UGT2B7: variants seen among roughly 807,000 people sequenced by gnomAD.
The protein encoded by UGT2B7 is UDP-glucuronosyltransferase 2B7.
UGT2B7 carries 51 observed loss-of-function variants against 51.9 expected under a neutral mutation model. That is an observed-to-expected ratio of 0.98 (90% CI 0.78 to 1.24). The LOEUF (loss-of-function observed/expected upper bound fraction) is 1.24, where lower values mean the gene tolerates loss of function less well. Among genes scored for constraint, UGT2B7 ranks in the 50% most tolerant of loss-of-function variants. UGT2B7 has a pLI of 0.00. For missense variants in UGT2B7, 727 were observed against 628.4 expected, an observed-to-expected ratio of 1.16 and a Z score of -1.68; for synonymous variants, 225 against 211.6, an observed-to-expected ratio of 1.06 and a Z score of -0.55.
intron 1 of UGT2B7, among the ~76,000 whole-genome samples, chr4:69,055,793 C>T (rs1718177603): frequency 6.6e-6 from 1 of 152,136 alleles, no homozygotes. Context: ...TTCTAAAAGT[C>T]TCAATTATTA....
chr4:69,079,925 CT>C (rs1718799096), intron 1 of UGT2B7, among the ~76,000 whole-genome samples: 2 of 152,004 alleles, frequency 1.3e-5, no homozygotes, highest in East Asian at 1.9e-4. Context: ...TTGTATATAG[CT>C]TGGAAATAAT....
At chr4:69,080,594 G>A (rs1718814370) in intron 1 of UGT2B7, among the ~76,000 whole-genome samples, 3 of 151,104 alleles carry the variant, frequency 2.0e-5, no homozygotes, top group Non-Finnish European at 2.9e-5. Context: ...TTCCAAATTT[G>A]CTTGTGGTTC....
chr4:69,063,491 T>C (rs1345816825), intron 1 of UGT2B7, among the ~76,000 whole-genome samples: 1 of 151,928 alleles, frequency 6.6e-6, no homozygotes, highest in African/African-American at 2.4e-5. Flanking sequence ...AGACAGCAAA[T>C]ATGTTAGACT....
chr4:69,093,287 G>A (rs370533019), upstream of UGT2B7, among the ~76,000 whole-genome samples: 28 of 152,256 alleles, frequency 1.8e-4, no homozygotes, highest in East Asian at 3.9e-3. Context: ...TTCTGTGGTC[G>A]ATTTGGATGC....
chr4:69,078,182 C>T (rs539737478), intron 1 of UGT2B7, among the ~76,000 whole-genome samples: 2 of 152,120 alleles, frequency 1.3e-5, no homozygotes, highest in East Asian at 1.9e-4. Flanking sequence ...TTTTGATGTG[C>T]TGCTGGATTT....
chr4:69,081,697 T>C (rs1018943650), intron 1 of UGT2B7, among the ~76,000 whole-genome samples: 3 of 152,130 alleles, frequency 2.0e-5, no homozygotes, highest in East Asian at 3.8e-4. Flanking sequence ...AAAGCTTTCA[T>C]CTCACCGTAT....
intron 5 of UGT2B7, among the ~76,000 whole-genome samples, chr4:69,111,484 G>A (rs929375664): frequency 2.0e-5 from 3 of 152,122 alleles, no homozygotes; most frequent in African/African-American, 7.2e-5. Flanking sequence ...TTCTCATATT[G>A]CATTTTCACG....
intron 5 of UGT2B7, among the ~76,000 whole-genome samples, chr4:69,108,845 A>G (rs905875006): frequency 2.6e-5 from 4 of 152,140 alleles, no homozygotes; most frequent in Non-Finnish European, 4.4e-5. Flanking sequence ...TCACTATTAC[A>G]TAATTTTAGA....
At chr4:69,067,503 G>A (rs187741879) in intron 1 of UGT2B7, 2 of 156,030 alleles carry the variant, frequency 1.3e-5, no homozygotes, top group African/African-American at 4.8e-5. Context: ...CTTTATTGCA[G>A]ATCAACGTGA....
In UGT2B7 at chr4:69,096,755, A is replaced by C; in HGVS notation, c.235A>C (p.Thr79Pro). 1 of 1,613,972 alleles carries C rather than the reference A, an allele frequency of 6.2e-7. No individual in the cohort carries two copies. Among genetic ancestry groups the C allele is most frequent in the Non-Finnish European group, 8.5e-7 (1 of 1,179,918 alleles). Residue 79 changes from threonine to proline, a missense_variant, in exon 1 of 6, where the codon ACA becomes CCA. Physicochemically the swap from Thr to Pro is conservative, Grantham distance 38 (BLOSUM62 -1). Coordinates refer to ENST00000305231, the MANE Select transcript of UGT2B7 (RefSeq NM_001074.4). The stretch of plus-strand genomic sequence containing the variant: ...CGCTCTTAAAATTGAAATTTATCCC[A>C]CATCTTTAACTAAAACTGAGTTGGA... Reference protein sequence around the residue: ...SSALKIEIYPTSLTKTELENF... With the variant: ...SSALKIEIYPPSLTKTELENF...
At chr4:69,063,116 G>A (rs956018870) in intron 1 of UGT2B7, among the ~76,000 whole-genome samples, 3 of 151,480 alleles carry the variant, frequency 2.0e-5, no homozygotes, top group Non-Finnish European at 2.9e-5. Context: ...TCAGGAGATC[G>A]AGACCATCCC....
intron 1 of UGT2B7, among the ~76,000 whole-genome samples, chr4:69,079,852 C>T (rs1470448696): frequency 1.3e-5 from 2 of 150,342 alleles, no homozygotes; most frequent in African/African-American, 5.0e-5. Flanking sequence ...GTTCTTAATC[C>T]AATTTTTGTT....
rs572424486 is a variant in UGT2B7 at position 69,100,187 on chromosome 4, G to A, written c.870+1499G>A. Among the ~76,000 whole-genome samples the A allele has an allele frequency of 5.9e-5, 9 of 152,026 alleles. No homozygotes were observed. In the South Asian group the frequency reaches 1.5e-3, roughly 25 times the overall value. On this transcript the variant is annotated intron_variant, in intron 2 of 5. Coordinates refer to ENST00000305231, the MANE Select transcript of UGT2B7 (RefSeq NM_001074.4). ...TTATTAAAGCTTCCTGTGGGAACTC[G>A]TCTCAACATCATAGCTGCCTGACAC...
rs775763044 is a variant in UGT2B7 at position 69,108,275 on chromosome 4, G to A, written c.1263G>A (p.Ser421=). The A allele has an allele frequency of 1.2e-5, 20 of 1,613,550 alleles. No homozygotes were observed. The highest frequency in any genetic ancestry group is 1.4e-5 in the Non-Finnish European group (17 of 1,179,608). The change falls in exon 5 of 6, where the codon TCG becomes TCA. Residue 421 remains serine (S), a synonymous_variant. Coordinates refer to ENST00000305231, the MANE Select transcript of UGT2B7 (RefSeq NM_001074.4). ...AAVRVDFNTM[S]STDLLNALKR... The stretch of plus-strand genomic sequence containing the variant: ...TTAGAGTGGACTTCAACACAATGTC[G>A]AGTACAGACTTGCTGAATGCATTGA...
intron 2 of UGT2B7, among the ~76,000 whole-genome samples, chr4:69,102,583 CATA>C (rs1157648193): frequency 6.6e-6 from 1 of 152,084 alleles, no homozygotes; most frequent in African/African-American, 2.4e-5. Flanking sequence ...AATACATACA[CATA>C]CACACATATT....
upstream of UGT2B7, among the ~76,000 whole-genome samples, chr4:69,092,631 G>C (rs1014414327): frequency 6.6e-6 from 1 of 151,840 alleles, no homozygotes; most frequent in Non-Finnish European, 1.5e-5. Context: ...AAAAATATAA[G>C]TTTTCTTTAC....
At chr4:69,071,372 G>T (rs1281760094) in intron 1 of UGT2B7, among the ~76,000 whole-genome samples, 5 of 152,062 alleles carry the variant, frequency 3.3e-5, no homozygotes, top group Non-Finnish European at 5.9e-5. Context: ...ATTGTAGGTG[G>T]AATAAAGAGC....
At chr4:69,091,791 G>A (rs969679527), upstream of UGT2B7, among the ~76,000 whole-genome samples, 1 of 152,136 alleles carries the variant, frequency 6.6e-6, no homozygotes, top group Admixed American at 6.5e-5. Flanking sequence ...CTCATAGAAA[G>A]GGGCCACAAA....
At chr4:69,053,482 G>A (rs1450963736) in intron 1 of UGT2B7, among the ~76,000 whole-genome samples, 3 of 152,210 alleles carry the variant, frequency 2.0e-5, no homozygotes, top group Admixed American at 6.5e-5. Flanking sequence ...CACATGGCAG[G>A]CCAGAGGCCC....
Sources: allele counts gnomAD v4.1 joint callset (sites outside exome capture counted in the v4.1 genomes callset), GRCh38; gene constraint gnomAD v4.1.1; transcripts MANE v1.5; gene names NCBI Gene and HGNC (gene_info 2026-07-23, HGNC 2026-07-21).